Variants in NEBL observed in about 807,000 individuals in gnomAD.
The protein encoded by NEBL is nebulette, also known as LIM and SH3 protein 2.
NEBL carries 122 observed loss-of-function variants against 140.2 expected under a neutral mutation model. The ratio of observed to expected loss-of-function variants is 0.87; its 90% CI spans 0.75 to 1.01. NEBL has a LOEUF of 1.01. Ranked by LOEUF, NEBL falls within the 50% of genes least tolerant of loss-of-function variation. NEBL has a pLI of 0.00. For missense variants in NEBL, 1,365 were observed against 1,231.3 expected, an observed-to-expected ratio of 1.11 and a Z score of -1.62; for synonymous variants, 436 against 398.9, an observed-to-expected ratio of 1.09 and a Z score of -1.11.
intron 4 of NEBL, among the ~76,000 whole-genome samples, chr10:20,938,178 G>C (rs570481839): frequency 1.6e-3 from 237 of 152,310 alleles, no homozygotes; most frequent in African/African-American, 5.3e-3. Flanking sequence ...GCCTAGCTGG[G>C]AGGCACCCCC....
At chr10:20,916,141 G>C (rs1295698976) in intron 4 of NEBL, among the ~76,000 whole-genome samples, 1 of 152,110 alleles carries the variant, frequency 6.6e-6, no homozygotes, top group African/African-American at 2.4e-5. Flanking sequence ...AGTTCAACTA[G>C]ATGTTTGATG....
At chr10:20,904,153 C>T (rs1192365018) in intron 4 of NEBL, among the ~76,000 whole-genome samples, 1 of 152,114 alleles carries the variant, frequency 6.6e-6, no homozygotes, top group African/African-American at 2.4e-5. Context: ...GACCTATTTC[C>T]AGACCTTAGT....
intron 3 of NEBL, among the ~76,000 whole-genome samples, chr10:20,973,456 C>T (rs1477037247): frequency 6.6e-6 from 1 of 152,032 alleles, no homozygotes; most frequent in Non-Finnish European, 1.5e-5. Flanking sequence ...CACTATATTT[C>T]CCAGGCTGGT....
intron 2 of NEBL, among the ~76,000 whole-genome samples, chr10:21,077,268 T>G (rs1226527628): frequency 6.6e-6 from 1 of 152,182 alleles, no homozygotes. Context: ...AAAGCTTTGT[T>G]CCTCACTCCC....
At chr10:21,055,785 T>C (rs994222077) in intron 2 of NEBL, among the ~76,000 whole-genome samples, 1 of 152,136 alleles carries the variant, frequency 6.6e-6, no homozygotes, top group South Asian at 2.1e-4. Context: ...CCAGCCAAAT[T>C]AGCATCAAGT....
At chr10:21,148,688 G>C (rs1433771777) in intron 2 of NEBL, among the ~76,000 whole-genome samples, 1 of 152,070 alleles carries the variant, frequency 6.6e-6, no homozygotes, top group Non-Finnish European at 1.5e-5. Context: ...ACCATGCCCA[G>C]CTAATTTTTG....
At chr10:20,837,083 C>A (rs938433289) in intron 13 of NEBL, among the ~76,000 whole-genome samples, 2 of 152,070 alleles carry the variant, frequency 1.3e-5, no homozygotes, top group Non-Finnish European at 2.9e-5. Context: ...ACAATGGCCC[C>A]TAGATGGTCA....
chr10:20,970,577 A>G (rs950240008), intron 3 of NEBL, among the ~76,000 whole-genome samples: 3 of 152,044 alleles, frequency 2.0e-5, no homozygotes, highest in African/African-American at 7.2e-5. Flanking sequence ...TGAGCCTGTG[A>G]GGTGAAGGCT....
chr10:21,098,066 G>A (rs961562860), intron 2 of NEBL, among the ~76,000 whole-genome samples: 1 of 152,140 alleles, frequency 6.6e-6, no homozygotes, highest in Non-Finnish European at 1.5e-5. Flanking sequence ...TGTTGCAAAA[G>A]GATGAAATCA....
intron 11 of NEBL, among the ~76,000 whole-genome samples, chr10:20,845,925 A>G (rs1841893665): frequency 6.6e-6 from 1 of 152,202 alleles, no homozygotes. Context: ...TCTACCATCT[A>G]TGGTGTTTGA....
intron 3 of NEBL, among the ~76,000 whole-genome samples, chr10:21,195,399 T>C (rs1417675634): frequency 1.3e-5 from 2 of 152,224 alleles, no homozygotes; most frequent in Non-Finnish European, 2.9e-5. Context: ...GTCAGGGTGA[T>C]GTTCAGCCTA....
At chr10:21,003,652 G>A (rs1589127447) in intron 3 of NEBL, among the ~76,000 whole-genome samples, 2 of 152,120 alleles carry the variant, frequency 1.3e-5, no homozygotes, top group Admixed American at 1.3e-4. Flanking sequence ...ATCGACTTCG[G>A]TTGTACACAT....
intron 3 of NEBL, among the ~76,000 whole-genome samples, chr10:21,014,352 G>A (rs1235715632): frequency 6.6e-6 from 1 of 152,020 alleles, no homozygotes; most frequent in Non-Finnish European, 1.5e-5. Context: ...GAGAGTAAGG[G>A]CCTCATCTGG....
At chr10:21,061,301 T>G (rs574541764) in intron 2 of NEBL, among the ~76,000 whole-genome samples, 7 of 143,748 alleles carry the variant, frequency 4.9e-5, no homozygotes, top group African/African-American at 1.8e-4. Context: ...ACATATTACA[T>G]ATTATGTGAT....
chr10:20,835,533 C>G lies in NEBL; in HGVS notation c.1429G>C (p.Ala477Pro), dbSNP rs758358892. ...CTAACCTCACTCGCTATCTCTGCAG[C>G]CTTCTTGGCATGCTGCATTTCAAGG... ...DTLEMQHAKKAAEIASEKDYK... is the reference protein window; with the variant it reads ...DTLEMQHAKKPAEIASEKDYK... Residue 477 changes from alanine to proline, a missense_variant, in exon 14 of 28, where the codon GCT becomes CCT. This residue lies in a region of NEBL where 1,323 missense variants were observed against 1,154.8 expected (regional missense o/e 1.15). Coordinates refer to ENST00000377122, the MANE Select transcript of NEBL (RefSeq NM_006393.3). 118 of 1,611,914 alleles carry G rather than the reference C, an allele frequency of 7.3e-5. No homozygotes were observed. Among genetic ancestry groups the G allele is most frequent in the East Asian group, 2.0e-4 (9 of 44,894 alleles).
intron 3 of NEBL, among the ~76,000 whole-genome samples, chr10:20,971,154 T>C (rs1464032616): frequency 1.3e-5 from 2 of 152,214 alleles, no homozygotes; most frequent in Non-Finnish European, 2.9e-5. Context: ...AGTTTTCTTT[T>C]AGGAAAGATC....
chr10:21,138,819 A>AT (rs1280468724), intron 2 of NEBL, among the ~76,000 whole-genome samples: 1 of 143,140 alleles, frequency 7.0e-6, no homozygotes, highest in African/African-American at 2.6e-5. Context: ...AAACTAAACT[A>AT]TTTAAAAAAA....
intron 2 of NEBL, among the ~76,000 whole-genome samples, chr10:21,044,474 A>G (rs2131838562): frequency 6.7e-6 from 1 of 148,526 alleles, no homozygotes; most frequent in African/African-American, 2.4e-5. Context: ...TTTTCCAGGA[A>G]CATCTTACAC....
Position 20,826,556 on chromosome 10 carries a change from G to A in NEBL, c.1777-17C>T, listed in dbSNP as rs751725256. 3 of 1,566,918 alleles carry A rather than the reference G, an allele frequency of 1.9e-6. No individual in the cohort carries two copies. The African/African-American group carries it at 4.1e-5, about 21-fold the overall frequency. The stretch of plus-strand genomic sequence containing the variant: ...ATAAAATACCTTTATTATAAGAAAA[G>A]GAAAAGAATAACTAAGCTTGTCAGA... On this transcript the variant is annotated splice_polypyrimidine_tract_variant and intron_variant, in intron 17 of 27. Coordinates refer to ENST00000377122, the MANE Select transcript of NEBL (RefSeq NM_006393.3).
Sources: allele counts gnomAD v4.1 joint callset (sites outside exome capture counted in the v4.1 genomes callset), GRCh38; gene constraint gnomAD v4.1.1; regional missense constraint gnomAD v4.1.1; transcripts MANE v1.5; gene names NCBI Gene and HGNC (gene_info 2026-07-23, HGNC 2026-07-21).